Variants in LHCGR observed in about 807,000 individuals in gnomAD.
LHCGR encodes luteinizing hormone/choriogonadotropin receptor.
LHCGR carries 55 observed loss-of-function variants against 60.7 expected under a neutral mutation model. The observed-to-expected ratio is 0.91, with a 90% CI of 0.73 to 1.13. The LOEUF is 1.13. Ranked by LOEUF, LHCGR falls within the 50% of genes most tolerant of loss-of-function variation. LHCGR has a pLI of 0.00. For missense variants in LHCGR, 862 were observed against 836.0 expected (o/e 1.03, Z -0.38); for synonymous variants, 337 against 316.5 (o/e 1.06, Z -0.69).
intron 8 of LHCGR, among the ~76,000 whole-genome samples, chr2:48,699,363 C>T (rs1330785982): frequency 6.6e-6 from 1 of 152,140 alleles, no homozygotes; most frequent in Non-Finnish European, 1.5e-5. Flanking sequence ...TTCTCTCTCT[C>T]TCCCCTCTTC....
chr2:48,694,301 C>G lies in LHCGR; in HGVS notation c.870G>C (p.Gln290His), dbSNP rs1667010964. 6.3e-7 allele frequency: 1 copy of G among 1,591,118 alleles called. No individual in the cohort carries two copies. The highest frequency in any genetic ancestry group is 1.3e-5 in the African/African-American group (1 of 74,640). ...CAFRNLPTKE[Q>H]NFSHSISENF... ...TTTCAGAAATGGAATGTGAAAAATTCTGTCTGAAAGAGAAGAGGTTAAAAA... is the reference window on the plus strand; with the variant it reads ...TTTCAGAAATGGAATGTGAAAAATTGTGTCTGAAAGAGAAGAGGTTAAAAA... The change falls in exon 10 of 11, where the codon CAG becomes CAC. Residue 290 changes from glutamine (Q) to histidine (H), a missense_variant. Gln to His is a conservative substitution (Grantham distance 24). Coordinates refer to ENST00000294954, the MANE Select transcript of LHCGR (RefSeq NM_000233.4).
chr2:48,727,306 G>A lies in LHCGR; in HGVS notation c.309-1556C>T, dbSNP rs185911613. Among the ~76,000 whole-genome samples the A allele has an allele frequency of 3.3e-5, 5 of 152,140 alleles. No homozygotes were observed. In the East Asian group the frequency reaches 7.7e-4, roughly 23 times the overall value. Reference sequence around the variant, plus strand: ...ATTTAATAAAAGAATTTTGGGGCCTGACCTTAGCCCAGTCATTCATTCATT... The same window carrying A: ...ATTTAATAAAAGAATTTTGGGGCCTAACCTTAGCCCAGTCATTCATTCATT... On this transcript the variant is annotated intron_variant, in intron 3 of 10. Coordinates refer to ENST00000294954, the MANE Select transcript of LHCGR (RefSeq NM_000233.4).
chr2:48,711,780 C>G (rs1014006935), intron 7 of LHCGR, among the ~76,000 whole-genome samples: 3 of 152,164 alleles, frequency 2.0e-5, no homozygotes. Flanking sequence ...AGGACTTCAG[C>G]TATCCCCTCT....
chr2:48,703,606 C>T (rs1667514450), intron 8 of LHCGR, among the ~76,000 whole-genome samples: 1 of 152,050 alleles, frequency 6.6e-6, no homozygotes, highest in African/African-American at 2.4e-5. Flanking sequence ...CCTTCATATC[C>T]TTTGTAAGCT....
At chr2:48,708,715 T>C in intron 8 of LHCGR, 1 of 592,360 alleles carries the variant, frequency 1.7e-6, no homozygotes, top group Non-Finnish European at 3.0e-6. Context: ...GACACCTTGA[T>C]TTTGGACATC....
At chr2:48,702,866 G>T (rs1461189688) in intron 8 of LHCGR, among the ~76,000 whole-genome samples, 2 of 152,178 alleles carry the variant, frequency 1.3e-5, no homozygotes. Flanking sequence ...CACAATGATT[G>T]AACTAATTTA....
At chr2:48,720,250 G>T (rs1668440146) in intron 6 of LHCGR, 1 of 152,168 alleles carries the variant, frequency 6.6e-6, no homozygotes, top group African/African-American at 2.4e-5. Context: ...GTCTCGTGGG[G>T]TGGCCCAGTC....
rs1667835108 is a variant in LHCGR at position 48,708,887 on chromosome 2, C to T, written c.680+61G>A. 2.3e-6 allele frequency: 3 copies of T among 1,288,568 alleles called. No individual in the cohort carries two copies. In the East Asian group the frequency reaches 6.9e-5, roughly 30 times the overall value. The allele number at this position is 1,288,568 out of a possible 1,614,324, so 79.8% of individuals were successfully genotyped here. On this transcript the variant is annotated intron_variant, in intron 8 of 10. Transcript: ENST00000294954. ...AGCTTGGGGATGATGTGGAGGGACA[C>T]CCTAAGCAGTCCTGTTGGGGTACAC...
At chr2:48,707,371 G>GT (rs1667739443) in intron 8 of LHCGR, among the ~76,000 whole-genome samples, 1 of 152,224 alleles carries the variant, frequency 6.6e-6, no homozygotes, top group South Asian at 2.1e-4. Flanking sequence ...CTACATGGGG[G>GT]TCAGGGACCC....
At chr2:48,696,591 C>T (rs1667124639) in intron 9 of LHCGR, among the ~76,000 whole-genome samples, 2 of 151,860 alleles carry the variant, frequency 1.3e-5, no homozygotes, top group Non-Finnish European at 2.9e-5. Flanking sequence ...TTAGTCAGGT[C>T]AATAAATGAA....
Position 48,688,680 on chromosome 2 carries a change from C to T in LHCGR, c.1117G>A (p.Ala373Thr). ...RVLIWLINIL[A>T]IMGNMTVLFV... Reference sequence around the variant, plus strand: ...AGAACAGTCATGTTTCCCATGATGGCTAGAATATTAATCAGCCAAATCAGG... The same window carrying T: ...AGAACAGTCATGTTTCCCATGATGGTTAGAATATTAATCAGCCAAATCAGG... The change falls in exon 11 of 11, where the codon GCC (alanine) becomes ACC (threonine). Residue 373 changes from alanine (A) to threonine (T), a missense_variant. Physicochemically the swap from Ala to Thr is moderately conservative, Grantham distance 58. Coordinates refer to ENST00000294954, the MANE Select transcript of LHCGR (RefSeq NM_000233.4). This position sits in a 1 kb window ranked among gnomAD's most constrained non-coding sequence, Gnocchi z 5.2. 1 of 1,614,108 alleles carries T rather than the reference C, an allele frequency of 6.2e-7. No individual in the cohort carries two copies. Among genetic ancestry groups the T allele is most frequent in the South Asian group, 1.1e-5 (1 of 91,078 alleles).
At chr2:48,699,246 A>G (rs2104393749) in intron 8 of LHCGR, among the ~76,000 whole-genome samples, 1 of 152,262 alleles carries the variant, frequency 6.6e-6, no homozygotes, top group Middle Eastern at 3.4e-3. Flanking sequence ...TACTCTCACT[A>G]AGATCTGAAT....
In LHCGR at chr2:48,687,053, A is replaced by G. The variant is rs1679927318; in HGVS notation, c.*644T>C. ...TTACCTTAAATTATAAATAAGTAGA[A>G]TCCAGATAGGGCATAGATAAAAGTC... On this transcript the variant is annotated 3_prime_UTR_variant, in exon 11 of 11. Coordinates refer to ENST00000294954, the MANE Select transcript of LHCGR (RefSeq NM_000233.4). 6.6e-6 allele frequency: 1 copy of G among 152,328 alleles called. No homozygotes were observed. Among genetic ancestry groups the G allele is most frequent in the African/African-American group, 2.4e-5 (1 of 41,572 alleles). The allele number at this position is 152,328 out of a possible 1,614,324, so 9.4% of individuals were successfully genotyped here.
chr2:48,723,834 G>T, intron 4 of LHCGR, 138 bp from the exon 5 acceptor site: 1 of 705,372 alleles, frequency 1.4e-6, no homozygotes, highest in South Asian at 1.6e-5. Flanking sequence ...ATTGAGTTTG[G>T]TGTTATCAGG....
At chr2:48,705,164 G>A (rs954981405) in intron 8 of LHCGR, among the ~76,000 whole-genome samples, 1 of 152,162 alleles carries the variant, frequency 6.6e-6, no homozygotes, top group African/African-American at 2.4e-5. Context: ...AGTCATTCAG[G>A]AGCAGGTTGT....
chr2:48,698,699 G>C lies in LHCGR; in HGVS notation c.782C>G (p.Ser261Ter). 1 of 1,614,112 alleles carries C rather than the reference G, an allele frequency of 6.2e-7. No individual in the cohort carries two copies. The highest frequency in any genetic ancestry group is 8.5e-7 in the Non-Finnish European group (1 of 1,179,984). ...CAGGAGATTGACAAATGTTTCTCTT[G>C]ATGGCAATTTTTTTAGAGAATAGGA... ...TSSYSLKKLP[S>*]RETFVNLLEA... Residue 261 changes from serine (S) to a stop codon, truncating the protein, a stop_gained, in exon 9 of 11, where the codon TCA becomes TGA. Coordinates refer to ENST00000294954, the MANE Select transcript of LHCGR (RefSeq NM_000233.4). LOFTEE classifies it high-confidence loss of function.
intron 1 of LHCGR, among the ~76,000 whole-genome samples, chr2:48,754,784 C>G (rs776510537): frequency 7.2e-5 from 11 of 152,142 alleles, no homozygotes; most frequent in African/African-American, 2.4e-4. Flanking sequence ...CCCTGATAGT[C>G]TAGTACTAAA....
At chr2:48,695,309 T>C (rs1474556594) in intron 9 of LHCGR, among the ~76,000 whole-genome samples, 4 of 152,196 alleles carry the variant, frequency 2.6e-5, no homozygotes, top group Non-Finnish European at 5.9e-5. Context: ...TAGGTCCCAC[T>C]CATCAATTTA....
At chr2:48,750,881 C>T (rs574856454) in intron 1 of LHCGR, among the ~76,000 whole-genome samples, 3 of 152,308 alleles carry the variant, frequency 2.0e-5, no homozygotes, top group East Asian at 1.9e-4. Context: ...GGGAAGGCAG[C>T]GCTCCTGGCC....
Sources: gnomAD v4.1 joint callset for allele counts (sites outside exome capture counted in the v4.1 genomes callset) on GRCh38, gnomAD v4.1.1 for gene constraint, Gnocchi (gnomAD v3.1) non-coding constraint, MANE v1.5 for transcripts, NCBI Gene and HGNC (gene_info 2026-07-23, HGNC 2026-07-21) for gene names.